KCNQ3: variants seen among roughly 807,000 people sequenced by gnomAD.
KCNQ3 encodes potassium voltage-gated channel subfamily KQT member 3.
In KCNQ3, 30 loss-of-function variants were observed where a neutral mutation model predicts 92.5. The observed-to-expected ratio is 0.32, with a 90% CI of 0.24 to 0.44. The LOEUF (loss-of-function observed/expected upper bound fraction) is 0.44, where lower values mean the gene tolerates loss of function less well. KCNQ3 is among the 20% of genes least tolerant of loss of function. The pLI, the probability that KCNQ3 is intolerant of heterozygous loss-of-function variation, is 1.00. For synonymous variants in KCNQ3, 450 were observed against 468.8 expected (o/e 0.96, Z 0.52); for missense variants, 913 against 1,140.3 (o/e 0.80, Z 2.87).
intron 14 of KCNQ3, among the ~76,000 whole-genome samples, chr8:132,131,753 T>C (rs1586753115): frequency 1.3e-5 from 2 of 152,162 alleles, no homozygotes; most frequent in Admixed American, 1.3e-4. Flanking sequence ...CTTTTTTGAA[T>C]GGTAGGTAGT....
At chr8:132,288,233 T>C (rs1816733464) in intron 1 of KCNQ3, among the ~76,000 whole-genome samples, 1 of 152,230 alleles carries the variant, frequency 6.6e-6, no homozygotes, top group Admixed American at 6.5e-5. Context: ...AGTTATTCCC[T>C]AATAAAATTG....
chr8:132,413,482 C>T (rs377190856), intron 1 of KCNQ3, among the ~76,000 whole-genome samples: 12 of 152,192 alleles, frequency 7.9e-5, no homozygotes, highest in African/African-American at 1.9e-4. Flanking sequence ...TATTAAATAC[C>T]TACTCTATGT....
chr8:132,293,845 G>A (rs1483422782), intron 1 of KCNQ3, among the ~76,000 whole-genome samples: 1 of 152,156 alleles, frequency 6.6e-6, no homozygotes, highest in Non-Finnish European at 1.5e-5. Flanking sequence ...CAAGGGTCTT[G>A]CTCATGTATC....
In KCNQ3 at chr8:132,122,564, C is replaced by T. The variant is rs1325294809; in HGVS notation, c.*6698G>A. On this transcript the variant is annotated 3_prime_UTR_variant, in exon 15 of 15. Transcript: ENST00000388996. ...GCGGTGTCAAAGAAATTCATTATTT[C>T]CCTTGAAGCTTATTTTAAGCCCATA... is the stretch of plus-strand genomic sequence containing the variant. 2 of 152,168 alleles carry T rather than the reference C, an allele frequency of 1.3e-5. No individual in the cohort carries two copies. The highest frequency in any genetic ancestry group is 4.8e-5 in the African/African-American group (2 of 41,430). 9.4% of individuals were successfully genotyped at this position (152,168 alleles called of 1,614,324 possible). A position where few individuals can be genotyped will look rare whatever the true frequency, so the allele number is the denominator to read the frequency against.
At chr8:132,133,469 C>A (rs1041329328) in intron 13 of KCNQ3, among the ~76,000 whole-genome samples, 7 of 150,712 alleles carry the variant, frequency 4.6e-5, no homozygotes, top group African/African-American at 1.7e-4. Context: ...GATTCTCCTG[C>A]CTCAGCCTCC....
In KCNQ3 at chr8:132,126,583, T is replaced by A. The variant is rs931330166; in HGVS notation, c.*2679A>T. On this transcript the variant is annotated 3_prime_UTR_variant, in exon 15 of 15. Coordinates refer to ENST00000388996, the MANE Select transcript of KCNQ3 (RefSeq NM_004519.4). ...AAGGTTCTTATTATTTATTCATTCA[T>A]AAAACATGTATTTTGTCTATGTCTA... The A allele has an allele frequency of 6.6e-6, 1 of 152,118 alleles. No homozygotes were observed. The highest frequency in any genetic ancestry group is 1.5e-5 in the Non-Finnish European group (1 of 68,024). The allele number at this position is 152,118 out of a possible 1,614,324, so 9.4% of individuals were successfully genotyped here. A position where few individuals can be genotyped will look rare whatever the true frequency, so the allele number is the denominator to read the frequency against.
chr8:132,180,353 G>A (rs1392594052), intron 3 of KCNQ3, 24 bp from the exon 4 acceptor site: 1 of 1,612,932 alleles, frequency 6.2e-7, no homozygotes, highest in Non-Finnish European at 8.5e-7. Flanking sequence ...CAGACAGAGT[G>A]GGAGGGAAGA....
At chr8:132,439,762 C>T (rs1821488412) in intron 1 of KCNQ3, among the ~76,000 whole-genome samples, 1 of 152,146 alleles carries the variant, frequency 6.6e-6, no homozygotes, top group African/African-American at 2.4e-5. Context: ...TCTCCAGAGT[C>T]CAGAAGGGAC....
chr8:132,447,064 G>C (rs1298387717), intron 1 of KCNQ3: 1 of 719,260 alleles, frequency 1.4e-6, no homozygotes, highest in African/African-American at 1.8e-5. Flanking sequence ...CCCCTTCTGG[G>C]AACCCAGGGT....
At chr8:132,312,277 G>A (rs889688938) in intron 1 of KCNQ3, among the ~76,000 whole-genome samples, 2 of 152,232 alleles carry the variant, frequency 1.3e-5, no homozygotes, top group Admixed American at 1.3e-4. Context: ...CAGAGGCCCA[G>A]GGTCTGCATT....
At chr8:132,461,719 T>C (rs1250748795) in intron 1 of KCNQ3, among the ~76,000 whole-genome samples, 1 of 152,212 alleles carries the variant, frequency 6.6e-6, no homozygotes, top group African/African-American at 2.4e-5. Context: ...CCACCCCCAT[T>C]CAAATAGGTG....
intron 1 of KCNQ3, among the ~76,000 whole-genome samples, chr8:132,401,362 T>A (rs1487949258): frequency 2.0e-5 from 3 of 150,314 alleles, no homozygotes; most frequent in Non-Finnish European, 4.4e-5. Flanking sequence ...CAAATGCCAA[T>A]ATTTGGGAGG....
At chr8:132,221,690 A>G (rs1338205068) in intron 1 of KCNQ3, among the ~76,000 whole-genome samples, 2 of 152,108 alleles carry the variant, frequency 1.3e-5, no homozygotes, top group Non-Finnish European at 2.9e-5. Context: ...AAAATTGTTT[A>G]AGTTCTTGTA....
intron 1 of KCNQ3, among the ~76,000 whole-genome samples, chr8:132,259,047 A>G (rs957934744): frequency 1.3e-5 from 2 of 152,050 alleles, no homozygotes; most frequent in Non-Finnish European, 2.9e-5. Context: ...AGTATGATCA[A>G]ATGCCTTCAC....
intron 1 of KCNQ3, among the ~76,000 whole-genome samples, chr8:132,339,979 A>G (rs187064060): frequency 2.6e-5 from 4 of 152,142 alleles, no homozygotes; most frequent in Non-Finnish European, 5.9e-5. Flanking sequence ...AAAGCTCATC[A>G]AAAAGTTAGA....
chr8:132,129,032 C>T lies in KCNQ3; in HGVS notation c.*230G>A, dbSNP rs1339111549. The T allele has an allele frequency of 3.4e-6, 2 of 582,808 alleles. No homozygotes were observed. The highest frequency in any genetic ancestry group is 5.7e-5 in the East Asian group (2 of 35,074). The allele number at this position is 582,808 out of a possible 1,614,324, so 36.1% of individuals were successfully genotyped here. A position where few individuals can be genotyped will look rare whatever the true frequency, so the allele number is the denominator to read the frequency against. On this transcript the variant is annotated 3_prime_UTR_variant, in exon 15 of 15. Coordinates refer to ENST00000388996, the MANE Select transcript of KCNQ3 (RefSeq NM_004519.4). This position sits in a 1 kb window ranked among gnomAD's most constrained non-coding sequence, Gnocchi z 5.9. ...TGTATCCTAGAAGAGATTAGCGGAACCATTTATATAGTGTAAAGTCATGCA... is the reference window on the plus strand; with the variant it reads ...TGTATCCTAGAAGAGATTAGCGGAATCATTTATATAGTGTAAAGTCATGCA...
At chr8:132,175,973 T>C (rs543939428) in intron 4 of KCNQ3, among the ~76,000 whole-genome samples, 5 of 152,250 alleles carry the variant, frequency 3.3e-5, no homozygotes, top group African/African-American at 9.6e-5. Flanking sequence ...CAGGACTGCG[T>C]AGAGCAAGGA....
chr8:132,448,502 G>GAAAAAAAAAAAAAAAAAAAA, intron 1 of KCNQ3, among the ~76,000 whole-genome samples: 286 of 93,792 alleles, frequency 3.0e-3, no homozygotes, highest in African/African-American at 4.5e-3. Context: ...GGAGAAATAT[G>GAAAAAAAAAAAAAAAAAAAA]AAAAAAAAAA....
chr8:132,420,256 C>A (rs1820932000), intron 1 of KCNQ3, among the ~76,000 whole-genome samples: 3 of 152,148 alleles, frequency 2.0e-5, no homozygotes, highest in Admixed American at 6.5e-5. Flanking sequence ...AATACTATCA[C>A]ACTTGGAGTT....
Sources: allele counts gnomAD v4.1 joint callset (sites outside exome capture counted in the v4.1 genomes callset), GRCh38; gene constraint gnomAD v4.1.1; non-coding constraint Gnocchi (gnomAD v3.1); transcripts MANE v1.5; gene names NCBI Gene and HGNC (gene_info 2026-07-23, HGNC 2026-07-21).